ZFYVE27: variants seen among roughly 807,000 people sequenced by gnomAD.
The protein encoded by ZFYVE27 is protrudin.
A neutral mutation model predicts 52.8 loss-of-function variants in ZFYVE27; 36 were observed. The ratio of observed to expected loss-of-function variants is 0.68; its 90% CI spans 0.52 to 0.90. The LOEUF (loss-of-function observed/expected upper bound fraction) is 0.90. Ranked by LOEUF, ZFYVE27 falls within the 40% of genes least tolerant of loss-of-function variation. The probability of loss-of-function intolerance (pLI) is 0.00; values close to 1 mark genes in which losing one functional copy is unlikely to be tolerated. For synonymous variants in ZFYVE27, 223 were observed against 215.6 expected, an observed-to-expected ratio of 1.03 and a Z score of -0.30; for missense variants, 450 against 527.2, an observed-to-expected ratio of 0.85 and a Z score of 1.43.
intron 6 of ZFYVE27, 52 bp from the exon 7 acceptor site, chr10:97,750,279 A>T: frequency 6.2e-7 from 1 of 1,609,964 alleles, no homozygotes; most frequent in Non-Finnish European, 8.5e-7. Context: ...CTAAAGTGCC[A>T]CTCACGGTGT....
intron 5 of ZFYVE27, 80 bp downstream of exon 5, chr10:97,748,444 G>A: frequency 7.0e-7 from 1 of 1,426,412 alleles, no homozygotes; most frequent in East Asian, 2.4e-5. Flanking sequence ...GCCTTGAGAG[G>A]ACCTCTGCCC....
intron 10 of ZFYVE27, among the ~76,000 whole-genome samples, chr10:97,755,664 C>T (rs1260567549): frequency 1.3e-5 from 2 of 152,138 alleles, no homozygotes; most frequent in Non-Finnish European, 2.9e-5. Context: ...GTGGTGGGGG[C>T]TATTCTATTT....
At chr10:97,751,360 TCTC>T (rs1170309634) in intron 7 of ZFYVE27, 28 bp from the exon 8 acceptor site, 6 of 1,611,998 alleles carry the variant, frequency 3.7e-6, no homozygotes, top group Middle Eastern at 1.6e-4. Context: ...CTGCCATCCT[TCTC>T]CTTCTGTCAT....
chr10:97,742,038 CAG>C (rs1247982509), intron 2 of ZFYVE27, among the ~76,000 whole-genome samples: 1 of 150,306 alleles, frequency 6.7e-6, no homozygotes, highest in Non-Finnish European at 1.5e-5. Flanking sequence ...GAGGCTGAGA[CAG>C]AATCGCTTGA....
intron 12 of ZFYVE27, among the ~76,000 whole-genome samples, chr10:97,758,356 T>A (rs1417332470): frequency 1.4e-5 from 2 of 146,784 alleles, no homozygotes; most frequent in Non-Finnish European, 3.0e-5. Flanking sequence ...GGAGTTTCAC[T>A]CTTGTTGCCC....
In ZFYVE27 at chr10:97,759,416, G is replaced by GGTA. The variant is rs1388627024; in HGVS notation, c.*118_*120dup. 3.7e-6 allele frequency: 4 copies of GGTA among 1,069,056 alleles called. No individual in the cohort carries two copies. The highest frequency in any genetic ancestry group is 1.9e-5 in the Admixed American group (1 of 52,552). 66.2% of individuals were successfully genotyped at this position (1,069,056 alleles called of 1,614,324 possible). On this transcript the variant is annotated 3_prime_UTR_variant, in exon 13 of 13. Transcript: ENST00000684270. ...CTGGGCAAATGTGGCCTGAATGCTA[G>GGTA]GTAGGCTTCCCCTTCCTTCCTCACT...
chr10:97,755,058 T>A (rs933757141), intron 10 of ZFYVE27, among the ~76,000 whole-genome samples: 1 of 152,248 alleles, frequency 6.6e-6, no homozygotes, highest in African/African-American at 2.4e-5. Flanking sequence ...TTTATGCCTG[T>A]CCCGCTTTTG....
At chr10:97,752,722 A>G (rs1441450996) in intron 8 of ZFYVE27, 135 bp from the exon 9 acceptor site, 1 of 1,027,412 alleles carries the variant, frequency 9.7e-7, no homozygotes, top group Non-Finnish European at 1.5e-6. Flanking sequence ...CAATGTCACC[A>G]TTTGGGAAGT....
chr10:97,750,519 C>G (rs762710983), intron 7 of ZFYVE27, 49 bp downstream of exon 7: 1 of 1,610,602 alleles, frequency 6.2e-7, no homozygotes, highest in Non-Finnish European at 8.5e-7. Flanking sequence ...TTGTGGGCCC[C>G]CCTGTTATCA....
chr10:97,758,673 T>C (rs1412007514), intron 12 of ZFYVE27, among the ~76,000 whole-genome samples: 1 of 152,138 alleles, frequency 6.6e-6, no homozygotes, highest in East Asian at 1.9e-4. Context: ...AACTAGAAAA[T>C]TTGGAAATTA....
chr10:97,757,787 C>T, intron 12 of ZFYVE27, 64 bp downstream of exon 12: 1 of 1,546,782 alleles, frequency 6.5e-7, no homozygotes, highest in South Asian at 1.1e-5. Flanking sequence ...CACGCTGTGG[C>T]ACAGAGGCAA....
intron 4 of ZFYVE27, among the ~76,000 whole-genome samples, chr10:97,745,444 G>T (rs2045002609): frequency 6.6e-6 from 1 of 152,092 alleles, no homozygotes; most frequent in Admixed American, 6.5e-5. Flanking sequence ...CTCCCAAAAT[G>T]CTGGAATTAC....
chr10:97,753,945 C>T (rs934894429), intron 10 of ZFYVE27, among the ~76,000 whole-genome samples: 1 of 152,216 alleles, frequency 6.6e-6, no homozygotes, highest in Non-Finnish European at 1.5e-5. Flanking sequence ...GTGGACTTGA[C>T]AGCACAGCTT....
At chr10:97,751,683 T>C (rs1467092538) in intron 8 of ZFYVE27, among the ~76,000 whole-genome samples, 1 of 152,190 alleles carries the variant, frequency 6.6e-6, no homozygotes, top group Admixed American at 6.5e-5. Context: ...TCTGGAAGTC[T>C]CCGGGTAATG....
At chr10:97,749,234 AG>A (rs2046290082) in intron 5 of ZFYVE27, among the ~76,000 whole-genome samples, 1 of 152,184 alleles carries the variant, frequency 6.6e-6, no homozygotes, top group Non-Finnish European at 1.5e-5. Context: ...TGGTTGAACC[AG>A]TTTATGTGCC....
Position 97,753,079 on chromosome 10 carries a change from G to C in ZFYVE27, c.939G>C (p.Leu313=), listed in dbSNP as rs2047420438. ...CCCCGTGCCCAGCAGAGGATGAGCT[G>C]GCCCTGCAGGACAACGGGTTCCTGA... The part of the protein sequence containing the change: ...EGAPCPAEDE[L]ALQDNGFLSK... Residue 313 remains leucine, a synonymous_variant, in exon 10 of 13, where the codon CTG becomes CTC. Coordinates refer to ENST00000684270, the MANE Select transcript of ZFYVE27 (RefSeq NM_001385875.1). 1.2e-6 allele frequency: 2 copies of C among 1,611,822 alleles called. No individual in the cohort carries two copies. Among genetic ancestry groups the C allele is most frequent in the East Asian group, 4.5e-5 (2 of 44,768 alleles).
intron 8 of ZFYVE27, 79 bp from the exon 9 acceptor site, chr10:97,752,778 G>GC (rs2047322988): frequency 6.5e-7 from 1 of 1,539,274 alleles, no homozygotes; most frequent in Admixed American, 1.9e-5. Context: ...CTGCTTGGGG[G>GC]CCCCTCCAGG....
intron 10 of ZFYVE27, among the ~76,000 whole-genome samples, chr10:97,753,596 C>G (rs1051205751): frequency 6.6e-6 from 1 of 152,154 alleles, no homozygotes; most frequent in Non-Finnish European, 1.5e-5. Context: ...ATTTCACACC[C>G]CGTGCCTCAG....
intron 10 of ZFYVE27, 147 bp from the exon 11 acceptor site, chr10:97,757,118 C>T: frequency 9.6e-7 from 1 of 1,041,498 alleles, no homozygotes; most frequent in Admixed American, 2.0e-5. Flanking sequence ...CTTTCTGTCT[C>T]TGAATCTGGC....
Sources: gnomAD v4.1 joint callset for allele counts (sites outside exome capture counted in the v4.1 genomes callset) on GRCh38, gnomAD v4.1.1 for gene constraint, MANE v1.5 for transcripts, NCBI Gene and HGNC (gene_info 2026-07-23, HGNC 2026-07-21) for gene names.